The following TAS2R1 variants were observed in gnomAD, a reference collection of about 807,000 sequenced individuals.
TAS2R1 encodes the protein taste receptor type 2 member 1.
For synonymous variants in TAS2R1, 141 were observed against 134.2 expected (o/e 1.05, Z -0.35); for missense variants, 370 against 353.4 (o/e 1.05, Z -0.38).
the TAS2R1 span, among the ~76,000 whole-genome samples, chr5:9,794,800 T>C: frequency 1.3e-5 from 2 of 152,192 alleles, no homozygotes; most frequent in Admixed American, 1.3e-4. Context: ...GAGAAAAAAT[T>C]ATCCCAATAT....
chr5:9,687,198 C>T (rs1226389216), intron 1 of TAS2R1, among the ~76,000 whole-genome samples: 6 of 152,166 alleles, frequency 3.9e-5, no homozygotes, highest in South Asian at 2.1e-4. Flanking sequence ...CTCGAACTCC[C>T]GACCTCAGGT....
chr5:9,824,648 A>C, the TAS2R1 span, among the ~76,000 whole-genome samples: 1 of 152,064 alleles, frequency 6.6e-6, no homozygotes. Flanking sequence ...GGAGTTTGAG[A>C]CCAGCCTGGC....
In TAS2R1 at chr5:9,629,822, A is replaced by T; in HGVS notation, c.211T>A (p.Phe71Ile). The T allele has an allele frequency of 6.2e-7, 1 of 1,613,824 alleles. No individual in the cohort carries two copies. Among genetic ancestry groups the T allele is most frequent in the Non-Finnish European group, 8.5e-7 (1 of 1,179,834 alleles). ...GAACACATGATGAATTCTATGAAGAAGATAACAATCACATTAACGTAGAAG... is the reference window on the plus strand; with the variant it reads ...GAACACATGATGAATTCTATGAAGATGATAACAATCACATTAACGTAGAAG... ...FIFYVNVIVI[F>I]FIEFIMCSAN... The change falls in exon 1 of 1, where the codon TTC becomes ATC. Residue 71 changes from phenylalanine (F) to isoleucine (I), a missense_variant. Coordinates refer to ENST00000382492, the MANE Select transcript of TAS2R1 (RefSeq NM_019599.3).
At chr5:9,649,814 A>C (rs1740265978) in intron 2 of TAS2R1, among the ~76,000 whole-genome samples, 1 of 152,196 alleles carries the variant, frequency 6.6e-6, no homozygotes, top group African/African-American at 2.4e-5. Context: ...ATTCATGACA[A>C]ACAGATGAGT....
At chr5:9,897,136 A>G in the TAS2R1 span, among the ~76,000 whole-genome samples, 2 of 152,188 alleles carry the variant, frequency 1.3e-5, no homozygotes, top group African/African-American at 2.4e-5. Flanking sequence ...AGGTTTTCTT[A>G]AAACAAAACA....
At chr5:9,881,507 A>G in the TAS2R1 span, among the ~76,000 whole-genome samples, 2 of 152,226 alleles carry the variant, frequency 1.3e-5, no homozygotes, top group East Asian at 3.8e-4. Context: ...GAAAAAAACT[A>G]CTTAAAAGTT....
the TAS2R1 span, among the ~76,000 whole-genome samples, chr5:9,730,222 G>A: frequency 3.3e-5 from 5 of 152,300 alleles, no homozygotes; most frequent in Admixed American, 6.5e-5. Flanking sequence ...AGGATCAGAC[G>A]GAAGCAAGAG....
chr5:9,883,559 C>G, the TAS2R1 span, among the ~76,000 whole-genome samples: 4 of 152,070 alleles, frequency 2.6e-5, no homozygotes, highest in African/African-American at 9.7e-5. Flanking sequence ...GAATATATCA[C>G]TAATATTTAA....
At chr5:9,681,279 G>A (rs1438546717) in intron 1 of TAS2R1, among the ~76,000 whole-genome samples, 4 of 151,780 alleles carry the variant, frequency 2.6e-5, no homozygotes, top group African/African-American at 9.7e-5. Context: ...AGGGAAAAAT[G>A]GGTGTGGGGC....
rs1396865665 is a variant in TAS2R1 at position 9,655,893 on chromosome 5, T to G, written c.-81+3528A>C. ...TTTTTAATTTGTTTGTTTTTCCTTT[T>G]CAGAACCACTGATTCTCAACTCAAT... On this transcript the variant is annotated intron_variant, in intron 2 of 2. Transcript: ENST00000506620. Among the ~76,000 whole-genome samples the G allele has an allele frequency of 2.0e-5, 3 of 151,940 alleles. No individual in the cohort carries two copies. In the East Asian group the frequency reaches 5.8e-4, roughly 29 times the overall value.
the TAS2R1 span, among the ~76,000 whole-genome samples, chr5:9,735,691 G>C: frequency 6.6e-6 from 1 of 152,188 alleles, no homozygotes; most frequent in Non-Finnish European, 1.5e-5. Flanking sequence ...ACAGAAAACT[G>C]CTATTCATAA....
At chr5:9,715,190 C>CGT (rs1734782244), upstream of TAS2R1, among the ~76,000 whole-genome samples, 3 of 152,282 alleles carry the variant, frequency 2.0e-5, no homozygotes, top group South Asian at 4.1e-4. Flanking sequence ...AAGAACTAAA[C>CGT]GTGTGTGTGT....
rs141875210 is a variant in TAS2R1, at chr5:9,649,115, G to A, written c.-81+10306C>T. Among the ~76,000 whole-genome samples the A allele has an allele frequency of 1.4e-3, 206 of 152,260 alleles. 2 individuals carry two copies. Among genetic ancestry groups the A allele is most frequent in the African/African-American group, 4.6e-3 (192 of 41,548 alleles). ...CTAACAACAACCTTAACCTGACTTC[G>A]TTTATCAAATGTCCTCAGAATTATG... On this transcript the variant is annotated intron_variant, in intron 2 of 2. Coordinates refer to the TAS2R1 transcript ENST00000506620.
chr5:9,664,790 T>A (rs116204654), intron 1 of TAS2R1, among the ~76,000 whole-genome samples: 1 of 152,330 alleles, frequency 6.6e-6, no homozygotes, highest in Non-Finnish European at 1.5e-5. Flanking sequence ...TACAATGCAC[T>A]TTTTATACCT....
At chr5:9,867,621 C>G in the TAS2R1 span, among the ~76,000 whole-genome samples, 1 of 152,142 alleles carries the variant, frequency 6.6e-6, no homozygotes, top group Admixed American at 6.5e-5. Flanking sequence ...GGTGGGGACA[C>G]AGCCAAACCA....
At chr5:9,811,520 C>T in the TAS2R1 span, among the ~76,000 whole-genome samples, 5 of 152,154 alleles carry the variant, frequency 3.3e-5, no homozygotes, top group African/African-American at 7.2e-5. Context: ...TCCTGAGCCT[C>T]GTCTTACACT....
At chr5:9,772,205 C>T in the TAS2R1 span, among the ~76,000 whole-genome samples, 443 of 152,072 alleles carry the variant, frequency 2.9e-3, 2 homozygotes, top group Admixed American at 6.3e-3. Flanking sequence ...CGTTATATTG[C>T]CATTATGATT....
chr5:9,781,121 G>C, the TAS2R1 span, among the ~76,000 whole-genome samples: 1 of 152,176 alleles, frequency 6.6e-6, no homozygotes, highest in Non-Finnish European at 1.5e-5. Context: ...CATGTACCAT[G>C]ACCCTGATTC....
At chr5:9,840,837 A>AT in the TAS2R1 span, among the ~76,000 whole-genome samples, 5 of 12,680 alleles carry the variant, frequency 3.9e-4, no homozygotes, top group African/African-American at 7.4e-4. Flanking sequence ...ATTTTATTTT[A>AT]TTTATTTATT....
Sources: gnomAD v4.1 joint callset for allele counts (sites outside exome capture counted in the v4.1 genomes callset) on GRCh38, gnomAD v4.1.1 for gene constraint, MANE v1.5 for transcripts, NCBI Gene and HGNC (gene_info 2026-07-23, HGNC 2026-07-21) for gene names.